The following NR3C2 variants were observed in gnomAD, a reference collection of about 807,000 sequenced individuals.
NR3C2 encodes the protein mineralocorticoid receptor.
NR3C2 carries 15 observed loss-of-function variants against 86.4 expected under a neutral mutation model. The ratio of observed to expected loss-of-function variants is 0.17; its 90% CI spans 0.12 to 0.27. The LOEUF (loss-of-function observed/expected upper bound fraction) is 0.27, where lower values mean the gene tolerates loss of function less well. Among genes scored for constraint, NR3C2 ranks in the 10% least tolerant of loss-of-function variants. The pLI, the probability that NR3C2 is intolerant of heterozygous loss-of-function variation, is 1.00. For missense variants in NR3C2, 960 were observed against 1,195.6 expected, an observed-to-expected ratio of 0.80 and a Z score of 2.91; for synonymous variants, 458 against 450.5, an observed-to-expected ratio of 1.02 and a Z score of -0.21.
Position 148,298,735 on chromosome 4 carries a change from A to G in NR3C2, c.1758-38618T>C, listed in dbSNP as rs1438131376. Among the ~76,000 whole-genome samples, 4 of 152,250 alleles carry G rather than the reference A, an allele frequency of 2.6e-5. No individual in the cohort carries two copies. In the East Asian group the frequency reaches 7.7e-4, roughly 29 times the overall value. On this transcript the variant is annotated intron_variant, in intron 2 of 8. Coordinates refer to ENST00000358102, the MANE Select transcript of NR3C2 (RefSeq NM_000901.5). ...GGCTGATCAGAGTTCAACAAAGCAC[A>G]CAAATTCTAGTTACCCTGCTTCAGA...
intron 2 of NR3C2, among the ~76,000 whole-genome samples, chr4:148,298,887 G>A (rs1291361602): frequency 6.6e-6 from 1 of 152,236 alleles, no homozygotes; most frequent in African/African-American, 2.4e-5. Flanking sequence ...AGATGCAGGA[G>A]GAAGATAAGG....
chr4:148,255,499 G>A (rs1342625278), intron 3 of NR3C2, among the ~76,000 whole-genome samples: 1 of 152,214 alleles, frequency 6.6e-6, no homozygotes, highest in Non-Finnish European at 1.5e-5. Context: ...CAAGGGAAAT[G>A]TGTGAGTGTG....
intron 3 of NR3C2, among the ~76,000 whole-genome samples, chr4:148,249,866 T>C (rs960964692): frequency 2.6e-5 from 4 of 152,178 alleles, no homozygotes; most frequent in Non-Finnish European, 2.9e-5. Context: ...CAAAATGGCA[T>C]TGCAAGAGTT....
At chr4:148,229,620 T>C (rs758227371) in intron 3 of NR3C2, among the ~76,000 whole-genome samples, 1 of 152,120 alleles carries the variant, frequency 6.6e-6, no homozygotes, top group African/African-American at 2.4e-5. Flanking sequence ...TCTCAGCCCA[T>C]AGATACATGT....
At chr4:148,225,605 A>G (rs191406943) in intron 3 of NR3C2, among the ~76,000 whole-genome samples, 3 of 152,332 alleles carry the variant, frequency 2.0e-5, no homozygotes, top group Admixed American at 1.3e-4. Context: ...TAATTTATGG[A>G]TATTAAAATT....
At chr4:148,380,273 G>C (rs1463205553) in intron 2 of NR3C2, among the ~76,000 whole-genome samples, 1 of 152,146 alleles carries the variant, frequency 6.6e-6, no homozygotes, top group Non-Finnish European at 1.5e-5. Flanking sequence ...GTTTATCCAT[G>C]TTGTAGCATG....
chr4:148,394,755 T>C (rs185204351), intron 2 of NR3C2, among the ~76,000 whole-genome samples: 5 of 152,068 alleles, frequency 3.3e-5, no homozygotes, highest in Non-Finnish European at 5.9e-5. Flanking sequence ...GCAGGAAAAA[T>C]TATAGAAAGA....
At chr4:148,141,129 C>T (rs558906297) in intron 6 of NR3C2, among the ~76,000 whole-genome samples, 6 of 152,154 alleles carry the variant, frequency 3.9e-5, no homozygotes, top group East Asian at 3.9e-4. Flanking sequence ...AGTTACCGAG[C>T]GCCAGTTATA....
intron 2 of NR3C2, among the ~76,000 whole-genome samples, chr4:148,272,195 C>T (rs991321295): frequency 1.3e-5 from 2 of 152,094 alleles, no homozygotes; most frequent in Non-Finnish European, 2.9e-5. Flanking sequence ...AGACAAATCC[C>T]TCCTGGAAAG....
intron 2 of NR3C2, among the ~76,000 whole-genome samples, chr4:148,321,918 AT>A: frequency 6.6e-6 from 1 of 152,286 alleles, no homozygotes; most frequent in East Asian, 1.9e-4. Flanking sequence ...TGATCCTGTC[AT>A]TATGATGTTA....
intron 2 of NR3C2, among the ~76,000 whole-genome samples, chr4:148,295,783 C>T (rs1361210325): frequency 1.3e-5 from 2 of 151,810 alleles, no homozygotes; most frequent in African/African-American, 4.8e-5. Flanking sequence ...ACCACATCTC[C>T]CAACAGAGGC....
intron 3 of NR3C2, among the ~76,000 whole-genome samples, chr4:148,259,057 A>G (rs1739963679): frequency 6.6e-6 from 1 of 152,224 alleles, no homozygotes; most frequent in Non-Finnish European, 1.5e-5. Flanking sequence ...ACAACTAAAG[A>G]TATGACCTTG....
intron 2 of NR3C2, among the ~76,000 whole-genome samples, chr4:148,330,305 G>A (rs1024745865): frequency 6.6e-6 from 1 of 152,034 alleles, no homozygotes; most frequent in Non-Finnish European, 1.5e-5. Context: ...AATTGACGAC[G>A]CCTCTGGCCC....
chr4:148,352,984 A>C (rs1745371228), intron 2 of NR3C2, among the ~76,000 whole-genome samples: 1 of 152,194 alleles, frequency 6.6e-6, no homozygotes, highest in Non-Finnish European at 1.5e-5. Flanking sequence ...AGAAGTGACA[A>C]GGCAGATCTT....
intron 6 of NR3C2, among the ~76,000 whole-genome samples, chr4:148,129,330 A>G (rs1043366731): frequency 1.3e-5 from 2 of 152,216 alleles, no homozygotes; most frequent in African/African-American, 2.4e-5. Context: ...ACTCATAGAA[A>G]CAGTAAGTAA....
chr4:148,228,574 T>A (rs758337148), intron 3 of NR3C2, among the ~76,000 whole-genome samples: 1 of 152,192 alleles, frequency 6.6e-6, no homozygotes, highest in Non-Finnish European at 1.5e-5. Context: ...AGGTCCTCTG[T>A]CAGATACATG....
At chr4:148,365,469 T>C (rs72729960) in intron 2 of NR3C2, among the ~76,000 whole-genome samples, 31,448 of 152,172 alleles carry the variant, frequency 0.21, 3,462 homozygotes, top group Non-Finnish European at 0.24. Flanking sequence ...TTTAGTGCCA[T>C]GGATCTTTTG....
At chr4:148,363,502 A>ATTTTTTTTTTTTTTTTTT (rs1414328296) in intron 2 of NR3C2, among the ~76,000 whole-genome samples, 4 of 16,224 alleles carry the variant, frequency 2.5e-4, no homozygotes, top group Non-Finnish European at 5.2e-4. Flanking sequence ...CTTCTCATAG[A>ATTTTTTTTTTTTTTTTTT]TCTCTTTTTT....
intron 3 of NR3C2, among the ~76,000 whole-genome samples, chr4:148,228,420 T>C (rs1328144463): frequency 1.3e-5 from 2 of 152,190 alleles, no homozygotes; most frequent in Non-Finnish European, 2.9e-5. Flanking sequence ...TATTTAAGCA[T>C]TATCCTAGGT....
Sources: allele counts gnomAD v4.1 joint callset (sites outside exome capture counted in the v4.1 genomes callset), GRCh38; gene constraint gnomAD v4.1.1; transcripts MANE v1.5; gene names NCBI Gene and HGNC (gene_info 2026-07-23, HGNC 2026-07-21).